The following RNLS variants were observed in gnomAD, a reference collection of about 807,000 sequenced individuals.
RNLS encodes the protein renalase, FAD dependent amine oxidase.
Under a neutral mutation model 39.8 loss-of-function variants are expected in RNLS, and 39 were observed. That is an observed-to-expected ratio of 0.98 (90% CI 0.76 to 1.28). The LOEUF is 1.28. Ranked by LOEUF, RNLS falls within the 50% of genes most tolerant of loss-of-function variation. The pLI is 0.00. For synonymous variants in RNLS, 147 were observed against 150.7 expected, an observed-to-expected ratio of 0.98 and a Z score of 0.18; for missense variants, 410 against 413.3, an observed-to-expected ratio of 0.99 and a Z score of 0.07.
chr10:88,520,748 C>T (rs1009614522), intron 4 of RNLS, among the ~76,000 whole-genome samples: 1 of 151,976 alleles, frequency 6.6e-6, no homozygotes, highest in Non-Finnish European at 1.5e-5. Flanking sequence ...CCCCAGAATA[C>T]TGGCCTATTA....
intron 4 of RNLS, among the ~76,000 whole-genome samples, chr10:88,368,315 G>A (rs982565722): frequency 1.3e-5 from 2 of 151,884 alleles, no homozygotes; most frequent in East Asian, 3.9e-4. Context: ...ATAAAAATAA[G>A]ACACTAGATT....
intron 6 of RNLS, among the ~76,000 whole-genome samples, chr10:88,299,856 C>T (rs769528147): frequency 6.6e-6 from 1 of 152,232 alleles, no homozygotes; most frequent in Non-Finnish European, 1.5e-5. Flanking sequence ...TTGATTTCCT[C>T]ATTTAAAGTA....
At chr10:88,275,074 AC>A in intron 6 of RNLS, 1 of 1,415,810 alleles carries the variant, frequency 7.1e-7, no homozygotes, top group Non-Finnish European at 1.0e-6. Context: ...GTGCCACCCA[AC>A]ACAATGGCCT....
intron 6 of RNLS, among the ~76,000 whole-genome samples, chr10:88,297,069 T>C (rs1437376338): frequency 1.3e-5 from 2 of 152,202 alleles, no homozygotes; most frequent in Admixed American, 6.5e-5. Context: ...TTATTTCCAC[T>C]ATTCAGCAAT....
chr10:88,336,379 A>G (rs552678849), intron 5 of RNLS, among the ~76,000 whole-genome samples: 2 of 152,338 alleles, frequency 1.3e-5, no homozygotes, highest in East Asian at 3.9e-4. Context: ...GTTGTTATTC[A>G]AGGCTACATA....
At chr10:88,286,793 G>GTTTTTT (rs34199618) in intron 6 of RNLS, among the ~76,000 whole-genome samples, 3 of 148,648 alleles carry the variant, frequency 2.0e-5, no homozygotes, top group Non-Finnish European at 4.5e-5. Flanking sequence ...TTCCCTTACA[G>GTTTTTT]TTTTTTTTTT....
chr10:88,458,578 G>A (rs749258328), intron 4 of RNLS, among the ~76,000 whole-genome samples: 5 of 152,172 alleles, frequency 3.3e-5, no homozygotes, highest in African/African-American at 1.2e-4. Flanking sequence ...TATACTGGAC[G>A]TAGTACTTGG....
At chr10:88,297,666 G>A (rs1844188447) in intron 6 of RNLS, among the ~76,000 whole-genome samples, 1 of 152,128 alleles carries the variant, frequency 6.6e-6, no homozygotes, top group Non-Finnish European at 1.5e-5. Flanking sequence ...GCATGTATCA[G>A]TACTTCATCC....
At chr10:88,220,364 C>T in the RNLS span, among the ~76,000 whole-genome samples, 1 of 152,164 alleles carries the variant, frequency 6.6e-6, no homozygotes, top group African/African-American at 2.4e-5. Flanking sequence ...CAAGGGACTG[C>T]TGGGGTCAGG....
chr10:88,572,518 A>T (rs1183920738), intron 4 of RNLS, among the ~76,000 whole-genome samples: 3 of 152,174 alleles, frequency 2.0e-5, no homozygotes, highest in African/African-American at 7.2e-5. Flanking sequence ...AAGTAAACAC[A>T]ATTAGAGAGC....
intron 6 of RNLS, among the ~76,000 whole-genome samples, chr10:88,310,187 T>C (rs547086023): frequency 3.3e-5 from 5 of 152,306 alleles, no homozygotes; most frequent in African/African-American, 1.2e-4. Flanking sequence ...CACTCCAGCC[T>C]GGGTGATAAA....
chr10:88,545,172 C>T (rs1848234640), intron 4 of RNLS, among the ~76,000 whole-genome samples: 2 of 152,128 alleles, frequency 1.3e-5, no homozygotes, highest in Admixed American at 1.3e-4. Flanking sequence ...TTTAGCACTA[C>T]AATCTGTATT....
intron 4 of RNLS, among the ~76,000 whole-genome samples, chr10:88,453,461 G>C (rs1443410466): frequency 6.6e-6 from 1 of 152,200 alleles, no homozygotes; most frequent in Non-Finnish European, 1.5e-5. Flanking sequence ...GGGATCATCA[G>C]AGACTTTGTT....
In RNLS at chr10:88,443,548, G is replaced by T. The variant is rs12412002; in HGVS notation, c.527-80823C>A. Among the ~76,000 whole-genome samples, 1,291 of 152,318 alleles carry T rather than the reference G, an allele frequency of 8.5e-3. 11 individuals carry two copies. Among genetic ancestry groups the T allele is most frequent in the Admixed American group, 0.016 (249 of 15,306 alleles). ...TCACCCGGGAAGTGCAAGGGGTCAG[G>T]GAATTTCCTTTCATAGCCAAGCAAA... On this transcript the variant is annotated intron_variant, in intron 4 of 6. Transcript: ENST00000331772.
chr10:88,228,315 G>T, the RNLS span, among the ~76,000 whole-genome samples: 2 of 152,312 alleles, frequency 1.3e-5, no homozygotes, highest in East Asian at 3.9e-4. Flanking sequence ...TGTATTCAGT[G>T]ATTCAGCAAT....
intron 4 of RNLS, among the ~76,000 whole-genome samples, chr10:88,570,113 T>A (rs1219301565): frequency 6.6e-6 from 1 of 152,088 alleles, no homozygotes; most frequent in African/African-American, 2.4e-5. Flanking sequence ...CATACCTCCA[T>A]GTCCAACAAC....
intron 5 of RNLS, among the ~76,000 whole-genome samples, chr10:88,329,946 T>C (rs1271408628): frequency 6.6e-6 from 1 of 151,538 alleles, no homozygotes; most frequent in Non-Finnish European, 1.5e-5. Context: ...ACATAGTTAT[T>C]CTATATTGTG....
chr10:88,532,541 T>C (rs1255063809), intron 4 of RNLS, among the ~76,000 whole-genome samples: 3 of 152,054 alleles, frequency 2.0e-5, no homozygotes, highest in Non-Finnish European at 4.4e-5. Flanking sequence ...CCTTTTACTA[T>C]GTATAAGCTA....
chr10:88,360,583 C>G (rs1213704554), intron 5 of RNLS, among the ~76,000 whole-genome samples: 5 of 152,096 alleles, frequency 3.3e-5, no homozygotes, highest in Admixed American at 3.3e-4. Context: ...ATTACAGGCG[C>G]TTGTCACCAT....
Sources: gnomAD v4.1 joint callset for allele counts (sites outside exome capture counted in the v4.1 genomes callset) on GRCh38, gnomAD v4.1.1 for gene constraint, MANE v1.5 for transcripts, NCBI Gene and HGNC (gene_info 2026-07-23, HGNC 2026-07-21) for gene names.